The following DRC11 variants were observed in gnomAD, a reference collection of about 807,000 sequenced individuals.
DRC11 encodes the protein IQ and AAA domain-containing protein 1.
the DRC11 span, chr2:236,409,007 C>T: frequency 2.8e-5 from 19 of 682,548 alleles, no homozygotes; most frequent in South Asian, 1.4e-4. Flanking sequence ...TCCCACGATG[C>T]GTGCTGTGCA....
At chr2:236,448,604 G>A in the DRC11 span, among the ~76,000 whole-genome samples, 7 of 152,060 alleles carry the variant, frequency 4.6e-5, no homozygotes, top group East Asian at 1.9e-4. The surrounding 1 kb of genome is among the most constrained non-coding windows in gnomAD (Gnocchi z 5.3). Flanking sequence ...CCAAATTGCC[G>A]GGATTACAGG....
At chr2:236,496,646 A>G in the DRC11 span, among the ~76,000 whole-genome samples, 1 of 152,114 alleles carries the variant, frequency 6.6e-6, no homozygotes, top group Admixed American at 6.5e-5. This position sits in a 1 kb window ranked among gnomAD's most constrained non-coding sequence, Gnocchi z 6.3. Flanking sequence ...GGAAAGAGGG[A>G]GAGCAAGCAC....
the DRC11 span, among the ~76,000 whole-genome samples, chr2:236,394,982 T>G: frequency 6.6e-6 from 1 of 152,328 alleles, no homozygotes; most frequent in South Asian, 2.1e-4. This position sits in a 1 kb window ranked among gnomAD's most constrained non-coding sequence, Gnocchi z 7.0. Flanking sequence ...GATGCAAATT[T>G]CTTTCAGAAT....
chr2:236,470,093 G>A, the DRC11 span, among the ~76,000 whole-genome samples: 1 of 152,158 alleles, frequency 6.6e-6, no homozygotes, highest in Non-Finnish European at 1.5e-5. This position sits in a 1 kb window ranked among gnomAD's most constrained non-coding sequence, Gnocchi z 5.1. Flanking sequence ...AGTTTGCGGG[G>A]AAATAGGACT....
chr2:236,331,575 T>C, the DRC11 span: 14 of 1,613,570 alleles, frequency 8.7e-6, no homozygotes, highest in Non-Finnish European at 1.1e-5. This position sits in a 1 kb window ranked among gnomAD's most constrained non-coding sequence, Gnocchi z 4.8. Flanking sequence ...CTCCATTGCG[T>C]TCAATGATTT....
the DRC11 span, among the ~76,000 whole-genome samples, chr2:236,435,460 C>G: frequency 1.5e-4 from 23 of 152,200 alleles, no homozygotes; most frequent in Admixed American, 1.5e-3. Context: ...TCTCACATTG[C>G]TATAAAGAAC....
chr2:236,435,803 A>G, the DRC11 span, among the ~76,000 whole-genome samples: 7 of 152,230 alleles, frequency 4.6e-5, no homozygotes, highest in East Asian at 1.9e-4. Flanking sequence ...GAGTAGTGCC[A>G]GCAGAGAATG....
At chr2:236,376,582 G>T in the DRC11 span, among the ~76,000 whole-genome samples, 2 of 152,188 alleles carry the variant, frequency 1.3e-5, no homozygotes, top group African/African-American at 4.8e-5. This position sits in a 1 kb window ranked among gnomAD's most constrained non-coding sequence, Gnocchi z 5.7. Flanking sequence ...TAAGCTTTAA[G>T]TGTGTTTTCA....
the DRC11 span, among the ~76,000 whole-genome samples, chr2:236,354,264 T>C: frequency 2.0e-5 from 3 of 151,006 alleles, no homozygotes; most frequent in Admixed American, 2.0e-4. Flanking sequence ...TGCACATGTG[T>C]GCGTGTGTGT....
the DRC11 span, among the ~76,000 whole-genome samples, chr2:236,448,968 T>A: frequency 6.6e-6 from 1 of 152,036 alleles, no homozygotes; most frequent in Non-Finnish European, 1.5e-5. This position sits in a 1 kb window ranked among gnomAD's most constrained non-coding sequence, Gnocchi z 5.3. Flanking sequence ...CAAACGATTC[T>A]CCTACCTCAG....
chr2:236,465,531 C>A, the DRC11 span: 2 of 1,613,994 alleles, frequency 1.2e-6, no homozygotes, highest in Non-Finnish European at 1.7e-6. This position sits in a 1 kb window ranked among gnomAD's most constrained non-coding sequence, Gnocchi z 6.2. Context: ...AATGCCGGAT[C>A]TGGTCTTGAA....
the DRC11 span, among the ~76,000 whole-genome samples, chr2:236,494,636 G>C: frequency 6.6e-6 from 1 of 152,160 alleles, no homozygotes; most frequent in African/African-American, 2.4e-5. The surrounding 1 kb of genome is among the most constrained non-coding windows in gnomAD (Gnocchi z 4.2). Flanking sequence ...TTTGTTTTCA[G>C]AATTGGCTAC....
chr2:236,388,987 C>T, the DRC11 span, among the ~76,000 whole-genome samples: 35 of 152,224 alleles, frequency 2.3e-4, no homozygotes, highest in African/African-American at 7.5e-4. Context: ...GGTCAGGGGT[C>T]AGGGACCCAC....
At chr2:236,420,397 C>T in the DRC11 span, among the ~76,000 whole-genome samples, 1 of 152,172 alleles carries the variant, frequency 6.6e-6, no homozygotes, top group Non-Finnish European at 1.5e-5. This position sits in a 1 kb window ranked among gnomAD's most constrained non-coding sequence, Gnocchi z 4.8. Context: ...ATACTCCAGT[C>T]TCAGGTACAT....
At chr2:236,416,704 T>G in the DRC11 span, among the ~76,000 whole-genome samples, 1 of 123,714 alleles carries the variant, frequency 8.1e-6, no homozygotes, top group African/African-American at 3.0e-5. Flanking sequence ...TATTTATTTA[T>G]TTACATATAT....
chr2:236,467,853 G>A, the DRC11 span, among the ~76,000 whole-genome samples: 29 of 152,096 alleles, frequency 1.9e-4, no homozygotes, highest in African/African-American at 6.7e-4. Context: ...AATTTTAAAC[G>A]AATTAGTTAA....
At chr2:236,411,188 A>G in the DRC11 span, among the ~76,000 whole-genome samples, 1 of 152,112 alleles carries the variant, frequency 6.6e-6, no homozygotes, top group South Asian at 2.1e-4. Context: ...ATGAACTCAA[A>G]CAAATTTACA....
At chr2:236,403,337 A>G in the DRC11 span, among the ~76,000 whole-genome samples, 1 of 151,864 alleles carries the variant, frequency 6.6e-6, no homozygotes, top group African/African-American at 2.4e-5. Context: ...CAGAGAGAAG[A>G]GGGAGGAAAA....
chr2:236,384,585 G>A, the DRC11 span, among the ~76,000 whole-genome samples: 46 of 152,174 alleles, frequency 3.0e-4, no homozygotes, highest in South Asian at 2.9e-3. Flanking sequence ...AGTAGGTTGC[G>A]AAAATTTTCT....
Sources: gnomAD v4.1 joint callset for allele counts (sites outside exome capture counted in the v4.1 genomes callset) on GRCh38, gnomAD v4.1.1 for gene constraint, Gnocchi (gnomAD v3.1) non-coding constraint, MANE v1.5 for transcripts, NCBI Gene and HGNC (gene_info 2026-07-23, HGNC 2026-07-21) for gene names.